PRKACB: variants seen among roughly 807,000 people sequenced by gnomAD.
The protein encoded by PRKACB is cAMP-dependent protein kinase catalytic subunit beta.
PRKACB carries 16 observed loss-of-function variants against 51.4 expected under a neutral mutation model. That is an observed-to-expected ratio of 0.31 (90% CI 0.21 to 0.47). The LOEUF (loss-of-function observed/expected upper bound fraction) is 0.47. Ranked by LOEUF, PRKACB falls within the 20% of genes least tolerant of loss-of-function variation. PRKACB has a pLI of 1.00. For synonymous variants in PRKACB, 147 were observed against 154.4 expected, an observed-to-expected ratio of 0.95 and a Z score of 0.35; for missense variants, 309 against 464.5, an observed-to-expected ratio of 0.67 and a Z score of 3.08.
At chr1:84,098,786 T>C (rs1300676052) in intron 1 of PRKACB, among the ~76,000 whole-genome samples, 1 of 152,076 alleles carries the variant, frequency 6.6e-6, no homozygotes, top group African/African-American at 2.4e-5. Context: ...CAAGCAAGTA[T>C]AGACAAAACG....
intron 1 of PRKACB, among the ~76,000 whole-genome samples, chr1:84,097,769 C>G (rs370966782): frequency 7.2e-5 from 11 of 151,986 alleles, no homozygotes; most frequent in African/African-American, 2.2e-4. Context: ...GGTAGATATT[C>G]CAGTCTTAAA....
upstream of PRKACB, among the ~76,000 whole-genome samples, chr1:84,141,849 A>G (rs1653449291): frequency 6.6e-6 from 1 of 152,132 alleles, no homozygotes; most frequent in South Asian, 2.1e-4. Flanking sequence ...GAGGTGAATG[A>G]TTAAAGGGGG....
chr1:84,203,246 C>G (rs1032956167), intron 8 of PRKACB, among the ~76,000 whole-genome samples: 1 of 151,752 alleles, frequency 6.6e-6, no homozygotes, highest in African/African-American at 2.4e-5. Flanking sequence ...ATGAATAAGC[C>G]TTTTTCAGAT....
intron 1 of PRKACB, among the ~76,000 whole-genome samples, chr1:84,123,796 T>A (rs1252026124): frequency 6.6e-6 from 1 of 152,194 alleles, no homozygotes; most frequent in African/African-American, 2.4e-5. Flanking sequence ...ATCTGACATA[T>A]AATAAGTTAG....
At chr1:84,175,061 GC>G in intron 1 of PRKACB, 1 of 1,452,048 alleles carries the variant, frequency 6.9e-7, no homozygotes, top group Non-Finnish European at 9.1e-7. Flanking sequence ...TATCTGGTAG[GC>G]AATTACTTTT....
chr1:84,085,870 G>A (rs1228588798), intron 1 of PRKACB: 2 of 579,710 alleles, frequency 3.5e-6, no homozygotes, highest in Non-Finnish European at 6.3e-6. Context: ...TGGCCTGGCT[G>A]TAACACCCAA....
intron 5 of PRKACB, among the ~76,000 whole-genome samples, chr1:84,186,453 A>G (rs1417603394): frequency 6.6e-6 from 1 of 151,866 alleles, no homozygotes; most frequent in East Asian, 1.9e-4. Context: ...TCCTGATCTC[A>G]AGTGATCCAC....
At chr1:84,175,107 T>C (rs1660789045) in intron 1 of PRKACB, 3 of 1,365,790 alleles carry the variant, frequency 2.2e-6, no homozygotes, top group Non-Finnish European at 2.9e-6. Flanking sequence ...AATTTTTTAT[T>C]TATTGTTTGC....
chr1:84,164,574 G>T, intron 1 of PRKACB: 1 of 1,382,238 alleles, frequency 7.2e-7, no homozygotes. Flanking sequence ...TAAAGCTTTA[G>T]AAAAGCTACG....
chr1:84,145,425 C>G (rs950134265), intron 1 of PRKACB, among the ~76,000 whole-genome samples: 2 of 152,074 alleles, frequency 1.3e-5, no homozygotes, highest in Non-Finnish European at 2.9e-5. Context: ...TTGACTCTTT[C>G]TGTTTATGTA....
chr1:84,184,192 A>C, intron 4 of PRKACB, 57 bp downstream of exon 4: 2 of 1,457,054 alleles, frequency 1.4e-6, no homozygotes, highest in Non-Finnish European at 1.9e-6. Flanking sequence ...TTTTAAGATG[A>C]AACTATAAAT....
intron 5 of PRKACB, among the ~76,000 whole-genome samples, chr1:84,196,295 A>G (rs1437366710): frequency 6.6e-6 from 1 of 152,164 alleles, no homozygotes; most frequent in African/African-American, 2.4e-5. Context: ...TTGCTTTCCA[A>G]TTATTCTCAA....
At position 84,182,226 on chromosome 1, in the gene PRKACB, A is replaced by G. The variant is rs754040223; in HGVS notation, c.276A>G (p.Glu92=). Residue 92 remains glutamate, a synonymous_variant, in exon 3 of 10, where the codon GAA becomes GAG. Transcript: ENST00000370685. ...TQNNAGLEDF[E]RKKTLGTGSF... is the part of the protein sequence containing the mutation. ...ATAATGCCGGACTTGAAGATTTTGA[A>G]AGGAAAAAAACCCTTGGAACAGGTT... is the stretch of plus-strand genomic sequence containing the variant. The G allele has an allele frequency of 6.3e-7, 1 of 1,583,370 alleles. No homozygotes were observed. Among genetic ancestry groups the G allele is most frequent in the Non-Finnish European group, 8.6e-7 (1 of 1,162,940 alleles).
chr1:84,131,099 G>C (rs1379719593), intron 1 of PRKACB, among the ~76,000 whole-genome samples: 2 of 152,198 alleles, frequency 1.3e-5, no homozygotes, highest in African/African-American at 2.4e-5. Flanking sequence ...GCTCACGCCT[G>C]TAAACCCAGC....
intron 8 of PRKACB, chr1:84,204,551 A>C: frequency 3.8e-6 from 6 of 1,592,338 alleles, no homozygotes; most frequent in Non-Finnish European, 5.1e-6. Flanking sequence ...ATTTTTGAAG[A>C]ATTTGAGAAG....
chr1:84,220,501 G>A (rs927851524), intron 9 of PRKACB, among the ~76,000 whole-genome samples: 1 of 152,120 alleles, frequency 6.6e-6, no homozygotes, highest in African/African-American at 2.4e-5. Context: ...GGTGAAAGTG[G>A]ACATCCTTGT....
rs926991921 is a variant in PRKACB at position 84,164,176 on chromosome 1, C to A, written c.188-15001C>A. On this transcript the variant is annotated intron_variant, in intron 1 of 9. Coordinates refer to ENST00000370685, the MANE Select transcript of PRKACB (RefSeq NM_182948.4). ...ATACATATATGTATATAATATTATT[C>A]TCTTCCATAACACAGAATGTTTAAA... 27 of 989,540 alleles carry A rather than the reference C, an allele frequency of 2.7e-5. No individual in the cohort carries two copies. The African/African-American group carries it at 3.9e-4, about 14-fold the overall frequency. 61.3% of individuals were successfully genotyped at this position (989,540 alleles called of 1,614,324 possible).
chr1:84,098,929 G>A (rs1649132500), intron 1 of PRKACB, among the ~76,000 whole-genome samples: 1 of 152,060 alleles, frequency 6.6e-6, no homozygotes, highest in Admixed American at 6.6e-5. Context: ...AGAGATCCTG[G>A]TAAGGTTTAA....
intron 1 of PRKACB, among the ~76,000 whole-genome samples, chr1:84,173,666 T>C (rs2100853865): frequency 6.6e-6 from 1 of 151,972 alleles, no homozygotes; most frequent in Non-Finnish European, 1.5e-5. Flanking sequence ...CATAGGTAAC[T>C]TACCTTAGTT....
Sources: allele counts gnomAD v4.1 joint callset (sites outside exome capture counted in the v4.1 genomes callset), GRCh38; gene constraint gnomAD v4.1.1; transcripts MANE v1.5; gene names NCBI Gene and HGNC (gene_info 2026-07-23, HGNC 2026-07-21).